MAP2K5: variants seen among roughly 807,000 people sequenced by gnomAD.
The protein encoded by MAP2K5 is dual specificity mitogen-activated protein kinase kinase 5.
MAP2K5 carries 49 observed loss-of-function variants against 83.1 expected under a neutral mutation model. The observed-to-expected ratio is 0.59, with a 90% CI of 0.47 to 0.75. The LOEUF (loss-of-function observed/expected upper bound fraction) is 0.75. Among genes scored for constraint, MAP2K5 ranks in the 30% least tolerant of loss-of-function variants. The probability of loss-of-function intolerance (pLI) is 0.00; values close to 1 mark genes in which losing one functional copy is unlikely to be tolerated. For missense variants in MAP2K5, 457 were observed against 557.5 expected (o/e 0.82, Z 1.82); for synonymous variants, 202 against 191.8 (o/e 1.05, Z -0.44).
At position 67,748,856 on chromosome 15, in the gene MAP2K5, A is replaced by G. The variant is rs1458188820; in HGVS notation, c.1134+255A>G. Reference sequence around the variant, plus strand: ...TCAGATGCCCTAAAGACAAAACACAATAATATTAATTGACCCTCTCCCTGG... The same window carrying G: ...TCAGATGCCCTAAAGACAAAACACAGTAATATTAATTGACCCTCTCCCTGG... On this transcript the variant is annotated intron_variant, in intron 19 of 21. Transcript: ENST00000178640. This position sits in a 1 kb window ranked among gnomAD's most constrained non-coding sequence, Gnocchi z 4.0. Among the ~76,000 whole-genome samples, 1 of 152,196 alleles carries G rather than the reference A, an allele frequency of 6.6e-6. No individual in the cohort carries two copies. The highest frequency in any genetic ancestry group is 2.4e-5 in the African/African-American group (1 of 41,444).
chr15:67,664,518 T>C, intron 12 of MAP2K5, 79 bp from the exon 13 acceptor site: 1 of 905,724 alleles, frequency 1.1e-6, no homozygotes, highest in Non-Finnish European at 1.7e-6. Context: ...AAAAAAAATG[T>C]TGAATGTATT....
chr15:67,639,183 C>T (rs970014125), intron 9 of MAP2K5, among the ~76,000 whole-genome samples: 2 of 152,154 alleles, frequency 1.3e-5, no homozygotes, highest in East Asian at 1.9e-4. Context: ...ACAGGGTGAA[C>T]AGACAGCCTA....
intron 17 of MAP2K5, among the ~76,000 whole-genome samples, chr15:67,734,001 C>T (rs1694310905): frequency 6.6e-6 from 1 of 152,198 alleles, no homozygotes; most frequent in Non-Finnish European, 1.5e-5. Flanking sequence ...ATACGTTTTG[C>T]AAATGCTTTT....
intron 3 of MAP2K5, among the ~76,000 whole-genome samples, chr15:67,575,796 T>C (rs2085043407): frequency 1.3e-5 from 2 of 152,076 alleles, no homozygotes; most frequent in Non-Finnish European, 1.5e-5. Flanking sequence ...AATGTAGATA[T>C]GTAGTGCTGA....
At chr15:67,663,309 T>C (rs984618059) in intron 12 of MAP2K5, among the ~76,000 whole-genome samples, 2 of 152,326 alleles carry the variant, frequency 1.3e-5, no homozygotes, top group African/African-American at 2.4e-5. Flanking sequence ...CTGGTCCTAC[T>C]CCAGTCTAGG....
rs117846544 is a variant in MAP2K5, at chr15:67,637,622, G to A, written c.585+6695G>A. On this transcript the variant is annotated intron_variant, in intron 9 of 21. Transcript: ENST00000178640. This position sits in a 1 kb window ranked among gnomAD's most constrained non-coding sequence, Gnocchi z 4.5. The stretch of plus-strand genomic sequence containing the variant: ...TGTACAGATCATTCATTACTCAGCT[G>A]AAGACTCCAGGACCCCCTCGGCAGA... 7.6e-3 allele frequency among the ~76,000 whole-genome samples: 1,157 copies of A among 152,242 alleles called. 10 individuals carry two copies. The highest frequency in any genetic ancestry group is 0.013 in the Non-Finnish European group (871 of 68,016).
intron 13 of MAP2K5, among the ~76,000 whole-genome samples, chr15:67,673,036 C>G (rs181345108): frequency 2.0e-5 from 3 of 152,084 alleles, no homozygotes; most frequent in African/African-American, 7.2e-5. Flanking sequence ...TGTTTTGGTA[C>G]CAGTACCATG....
intron 16 of MAP2K5, among the ~76,000 whole-genome samples, chr15:67,714,305 G>A (rs2088774153): frequency 6.6e-6 from 1 of 151,488 alleles, no homozygotes; most frequent in Non-Finnish European, 1.5e-5. Context: ...CATCTTATAT[G>A]TATTGAGTGC....
intron 8 of MAP2K5, among the ~76,000 whole-genome samples, chr15:67,612,686 C>G (rs2085954535): frequency 6.6e-6 from 1 of 152,106 alleles, no homozygotes; most frequent in South Asian, 2.1e-4. Context: ...CAAAAGTGCA[C>G]AAAATGAAGA....
rs2088861693 is a variant in MAP2K5, at chr15:67,717,755, C to T, written c.1045-10161C>T. Among the ~76,000 whole-genome samples, 1 of 152,106 alleles carries T rather than the reference C, an allele frequency of 6.6e-6. No individual in the cohort carries two copies. The highest frequency in any genetic ancestry group is 1.5e-5 in the Non-Finnish European group (1 of 68,004). Reference sequence around the variant, plus strand: ...TGTATGATGCTTTGGTGGGGATGGCCAGGAGTGGCTGGGACCCTCCTCTCC... The same window carrying T: ...TGTATGATGCTTTGGTGGGGATGGCTAGGAGTGGCTGGGACCCTCCTCTCC... On this transcript the variant is annotated intron_variant, in intron 16 of 21. Coordinates refer to ENST00000178640, the MANE Select transcript of MAP2K5 (RefSeq NM_145160.3). This position sits in a 1 kb window ranked among gnomAD's most constrained non-coding sequence, Gnocchi z 4.1.
At chr15:67,659,493 G>A (rs993044608) in intron 12 of MAP2K5, 1 of 152,096 alleles carries the variant, frequency 6.6e-6, no homozygotes, top group African/African-American at 2.4e-5. Flanking sequence ...TTATTAGTGT[G>A]AAGTGCCCTG....
chr15:67,594,864 A>T (rs1377958045), intron 7 of MAP2K5, among the ~76,000 whole-genome samples: 3 of 152,142 alleles, frequency 2.0e-5, no homozygotes, highest in Non-Finnish European at 2.9e-5. Context: ...GTCTCCTTCT[A>T]ATTCCTTAAT....
Position 67,794,769 on chromosome 15 carries a change from A to G in MAP2K5, c.1243-11877A>G, listed in dbSNP as rs1299000751. ...TTTTGTTGATTTGATAGCAGCAAAAATTTTCCACTTTGGCTCAGTCTTTGT... is the reference window on the plus strand; with the variant it reads ...TTTTGTTGATTTGATAGCAGCAAAAGTTTTCCACTTTGGCTCAGTCTTTGT... On this transcript the variant is annotated intron_variant, in intron 21 of 21. Transcript: ENST00000178640. This position sits in a 1 kb window ranked among gnomAD's most constrained non-coding sequence, Gnocchi z 4.6. Among the ~76,000 whole-genome samples the G allele has an allele frequency of 2.0e-5, 3 of 152,124 alleles. No individual in the cohort carries two copies. Among genetic ancestry groups the G allele is most frequent in the Non-Finnish European group, 4.4e-5 (3 of 68,028 alleles).
intron 4 of MAP2K5, 25 bp from the exon 5 acceptor site, chr15:67,585,865 A>G (rs1203524138): frequency 1.9e-6 from 3 of 1,610,596 alleles, no homozygotes; most frequent in Non-Finnish European, 1.7e-6. Context: ...GATGTGTTCT[A>G]CAATTTAGTC....
chr15:67,653,350 A>G (rs1452815078), intron 11 of MAP2K5, among the ~76,000 whole-genome samples: 1 of 151,374 alleles, frequency 6.6e-6, no homozygotes, highest in African/African-American at 2.4e-5. Context: ...CAATGGCACA[A>G]TGTCAGCTCA....
At chr15:67,557,133 A>G (rs979254000) in intron 2 of MAP2K5, among the ~76,000 whole-genome samples, 1 of 152,196 alleles carries the variant, frequency 6.6e-6, no homozygotes, top group Non-Finnish European at 1.5e-5. Flanking sequence ...TAGCAGATTA[A>G]TGAGTACACC....
chr15:67,633,120 A>G (rs888576837), intron 9 of MAP2K5, among the ~76,000 whole-genome samples: 9 of 152,194 alleles, frequency 5.9e-5, no homozygotes, highest in African/African-American at 2.2e-4. Flanking sequence ...AGCGCGGCCC[A>G]GTCGTACCAC....
chr15:67,799,665 G>A (rs2090666624), intron 21 of MAP2K5, among the ~76,000 whole-genome samples: 1 of 152,236 alleles, frequency 6.6e-6, no homozygotes, highest in Admixed American at 6.5e-5. Context: ...GCCTCCTGCA[G>A]GCTTAGAGCC....
chr15:67,553,919 CAAAAAAA>C (rs71142378), intron 2 of MAP2K5, among the ~76,000 whole-genome samples: 3 of 80,094 alleles, frequency 3.7e-5, no homozygotes, highest in African/African-American at 1.0e-4. Flanking sequence ...GACTCCATCT[CAAAAAAA>C]AAAAAAAAAA....
Sources: allele counts gnomAD v4.1 joint callset (sites outside exome capture counted in the v4.1 genomes callset), GRCh38; gene constraint gnomAD v4.1.1; non-coding constraint Gnocchi (gnomAD v3.1); transcripts MANE v1.5; gene names NCBI Gene and HGNC (gene_info 2026-07-23, HGNC 2026-07-21).